USH1C: variants seen among roughly 807,000 people sequenced by gnomAD.
The protein encoded by USH1C is USH1 protein network component harmonin, also known as harmonin.
Under a neutral mutation model 119.3 loss-of-function variants are expected in USH1C, and 90 were observed. The ratio of observed to expected loss-of-function variants is 0.75; its 90% CI spans 0.64 to 0.90. The LOEUF is 0.90. Among genes scored for constraint, USH1C ranks in the 40% least tolerant of loss-of-function variants. The pLI is 0.00. For synonymous variants in USH1C, 465 were observed against 443.3 expected (o/e 1.05, Z -0.62); for missense variants, 1,165 against 1,167.7 (o/e 1.00, Z 0.03).
At chr11:17,535,131 GAA>G (rs1296982978) in intron 1 of USH1C, among the ~76,000 whole-genome samples, 1 of 152,174 alleles carries the variant, frequency 6.6e-6, no homozygotes, top group African/African-American at 2.4e-5. Flanking sequence ...GCAGGGGCGA[GAA>G]ATATCTTTAT....
chr11:17,543,296 C>T lies in USH1C; in HGVS notation c.36+976G>A, dbSNP rs188350749. The stretch of plus-strand genomic sequence containing the variant: ...AAACCAGGAAGAGGTTTGGCTTGGT[C>T]TAAAGACACTGCCCCTGGGGTCTTT... On this transcript the variant is annotated intron_variant, in intron 1 of 26. Coordinates refer to ENST00000005226, the MANE Select transcript of USH1C (RefSeq NM_153676.4). Among the ~76,000 whole-genome samples the T allele has an allele frequency of 1.4e-3, 208 of 152,308 alleles. 2 individuals carry two copies. Among genetic ancestry groups the T allele is most frequent in the African/African-American group, 4.8e-3 (199 of 41,566 alleles).
chr11:17,510,463 T>C lies in USH1C; in HGVS notation c.1472A>G (p.Glu491Gly), dbSNP rs752030009. Residue 491 changes from glutamate to glycine, a missense_variant, in exon 17 of 27, where the codon GAG (glutamate) becomes GGG (glycine). Transcript: ENST00000005226. ...CTCGAGGCGCGTTTGACAGAGCCTCTCCACCCAATATTGAATCTTTTCCGA... is the reference window on the plus strand; with the variant it reads ...CTCGAGGCGCGTTTGACAGAGCCTCCCCACCCAATATTGAATCTTTTCCGA... ...EESEKIQYWV[E>G]RLCQTRLEQI... 35 of 1,613,426 alleles carry C rather than the reference T, an allele frequency of 2.2e-5. No individual in the cohort carries two copies. Among genetic ancestry groups the C allele is most frequent in the Admixed American group, 3.3e-5 (2 of 59,976 alleles).
rs917871091 is a variant in USH1C, at chr11:17,531,707, G to T, written c.105-165C>A. Among the ~76,000 whole-genome samples the T allele has an allele frequency of 6.6e-6, 1 of 152,188 alleles. No individual in the cohort carries two copies. The highest frequency in any genetic ancestry group is 2.4e-5 in the African/African-American group (1 of 41,440). On this transcript the variant is annotated intron_variant, in intron 2 of 26. Coordinates refer to ENST00000005226, the MANE Select transcript of USH1C (RefSeq NM_153676.4). The surrounding 1 kb of genome is among the most constrained non-coding windows in gnomAD (Gnocchi z 4.2). ...TTCACACCGGGCCAGTGCCTGAGAA[G>T]ACTTTGTTCTCTTATATAAATATCC...
intron 20 of USH1C, 46 bp downstream of exon 20, chr11:17,504,601 G>T: frequency 1.2e-6 from 2 of 1,601,180 alleles, no homozygotes; most frequent in East Asian, 2.2e-5. Context: ...TGGGAGGGAC[G>T]GGGGTGGTGG....
rs577511566 is a variant in USH1C at position 17,531,353 on chromosome 11, G to A, written c.248+46C>T. On this transcript the variant is annotated intron_variant, in intron 3 of 26. Transcript: ENST00000005226. The surrounding 1 kb of genome is among the most constrained non-coding windows in gnomAD (Gnocchi z 4.2). ...GGCTGCCAGCACTGCCCCGCCCAGG[G>A]TGATCTCTCCACCCCCTGCCTCCAG... 7.4e-6 allele frequency: 12 copies of A among 1,613,880 alleles called. No individual in the cohort carries two copies. The highest frequency in any genetic ancestry group is 6.7e-5 in the African/African-American group (5 of 75,040).
chr11:17,524,421 C>T (rs780084821), intron 9 of USH1C, 30 bp downstream of exon 9: 11 of 1,556,082 alleles, frequency 7.1e-6, no homozygotes, highest in Non-Finnish European at 8.7e-6. Context: ...TCCAGTGGGC[C>T]CCCACTGGGG....
In USH1C at chr11:17,544,344, G is replaced by A. The variant is rs779706912; in HGVS notation, c.-37C>T. 2 of 1,613,542 alleles carry A rather than the reference G, an allele frequency of 1.2e-6. No homozygotes were observed. Among genetic ancestry groups the A allele is most frequent in the South Asian group, 1.1e-5 (1 of 91,068 alleles). On this transcript the variant is annotated 5_prime_UTR_variant, in exon 1 of 27. The change creates a new upstream start codon in the 5' untranslated region. Coordinates refer to ENST00000005226, the MANE Select transcript of USH1C (RefSeq NM_153676.4). ...GTCCAGCTGCGTCGTTGCACGACCC[G>A]TTCCTTCGGGTGCCCGGCTGCCAGG...
chr11:17,524,557 T>C lies in USH1C; in HGVS notation c.675-22A>G, dbSNP rs764313947. ...AATGCTGCGGGAGGTGGGAAATGTG[T>C]GCTCGGGATTCAGGTAACCCATGTC... On this transcript the variant is annotated intron_variant, in intron 8 of 26. Transcript: ENST00000005226. The C allele has an allele frequency of 5.8e-6, 9 of 1,552,844 alleles. 1 individual carries two copies. In the South Asian group the frequency reaches 1.1e-4, roughly 18 times the overall value.
At position 17,521,375 on chromosome 11, in the gene USH1C, T is replaced by C. The variant is rs781209695; in HGVS notation, c.1056A>G (p.Glu352=). Residue 352 remains glutamate, a synonymous_variant, in exon 13 of 27, where the codon GAA becomes GAG. Transcript: ENST00000005226. The stretch of plus-strand genomic sequence containing the variant: ...CCATCTCCTTCCGGTATCTCTCATT[T>C]TCCTCTGCTGCCTTCTGGGCAATTT... ...RKEIAQKAAE[E]NERYRKEMEQ... is the part of the protein sequence containing the mutation. 6.2e-7 allele frequency: 1 copy of C among 1,614,184 alleles called. No individual in the cohort carries two copies. Among genetic ancestry groups the C allele is most frequent in the Non-Finnish European group, 8.5e-7 (1 of 1,180,034 alleles).
intron 1 of USH1C, among the ~76,000 whole-genome samples, chr11:17,539,833 C>CTTTTTTTTTTTTTTTTTTTTTTTTTT (rs34881002): frequency 7.9e-6 from 1 of 126,202 alleles, no homozygotes; most frequent in Non-Finnish European, 1.6e-5. Flanking sequence ...CTTTCTTTTT[C>CTTTTTTTTTTTTTTTTTTTTTTTTTT]TTTTTTTTTT....
In USH1C at chr11:17,505,871, G is replaced by A. The variant is rs1465168976; in HGVS notation, c.2092C>T (p.Pro698Ser). ...ISKPVMVHQE[P>S]NFIYRPAVKS... ...ACAGCTGGCCTGTAGATGAAATTGGGCTCCTGGTGGACCATGACAGGTTTG... is the reference window on the plus strand; with the variant it reads ...ACAGCTGGCCTGTAGATGAAATTGGACTCCTGGTGGACCATGACAGGTTTG... Residue 698 changes from proline to serine, a missense_variant, in exon 19 of 27, where the codon CCC becomes TCC. Coordinates refer to ENST00000005226, the MANE Select transcript of USH1C (RefSeq NM_153676.4). 6.2e-7 allele frequency: 1 copy of A among 1,614,204 alleles called. No homozygotes were observed. The highest frequency in any genetic ancestry group is 1.1e-5 in the South Asian group (1 of 91,084).
rs749676328 is a variant in USH1C, at chr11:17,509,675, G to A, written c.1694C>T (p.Pro565Leu). 29 of 1,595,988 alleles carry A rather than the reference G, an allele frequency of 1.8e-5. No homozygotes were observed. In the South Asian group the frequency reaches 3.0e-4, roughly 17 times the overall value. Residue 565 changes from proline to leucine, a missense_variant, in exon 18 of 27, where the codon CCC becomes CTC. Coordinates refer to ENST00000005226, the MANE Select transcript of USH1C (RefSeq NM_153676.4). ...PKTPSALPVM[P>L]HPPPSNPPHK... is the part of the protein sequence containing the mutation. Reference sequence around the variant, plus strand: ...GGGTGGGTTGGAGGGTGGAGGGTGGGGCATCACAGGCAAGGCAGAGGGAGT... The same window carrying A: ...GGGTGGGTTGGAGGGTGGAGGGTGGAGCATCACAGGCAAGGCAGAGGGAGT...
intron 4 of USH1C, among the ~76,000 whole-genome samples, chr11:17,530,644 A>G (rs1254666724): frequency 6.6e-6 from 1 of 152,230 alleles, no homozygotes; most frequent in Non-Finnish European, 1.5e-5. Context: ...AGACAGTACT[A>G]TCGGCAACTC....
intron 18 of USH1C, among the ~76,000 whole-genome samples, chr11:17,509,063 C>A (rs1849755680): frequency 6.6e-6 from 1 of 152,132 alleles, no homozygotes; most frequent in Non-Finnish European, 1.5e-5. Context: ...AGTTACCAGC[C>A]TACACTAGCA....
In USH1C at chr11:17,531,974, G is replaced by A. The variant is rs1433399307; in HGVS notation, c.105-432C>T. ...CCTCATGCTGTTCAGACCTTCGACT[G>A]CAGCTGCCTGCCCATGTACTCACTG... is the stretch of plus-strand genomic sequence containing the variant. On this transcript the variant is annotated intron_variant, in intron 2 of 26. Coordinates refer to ENST00000005226, the MANE Select transcript of USH1C (RefSeq NM_153676.4). This position sits in a 1 kb window ranked among gnomAD's most constrained non-coding sequence, Gnocchi z 4.2. Among the ~76,000 whole-genome samples the A allele has an allele frequency of 1.3e-5, 2 of 152,138 alleles. No homozygotes were observed. The highest frequency in any genetic ancestry group is 3.2e-3 in the Middle Eastern group (1 of 316).
chr11:17,526,560 G>A (rs375126997), intron 7 of USH1C, 119 bp from the exon 8 acceptor site: 170 of 1,134,692 alleles, frequency 1.5e-4, no homozygotes, highest in East Asian at 1.2e-3. Context: ...TCATCATTCC[G>A]TCCCTGGGGA....
Position 17,510,438 on chromosome 11 carries a change from C to A in USH1C, c.1497G>T (p.Glu499Asp). ...TCTCATTATCAGCAGAGGAAATCTGCTCGAGGCGCGTTTGACAGAGCCTCT... is the reference window on the plus strand; with the variant it reads ...TCTCATTATCAGCAGAGGAAATCTGATCGAGGCGCGTTTGACAGAGCCTCT... ...WVERLCQTRL[E>D]QISSADNEIS... is the part of the protein sequence containing the mutation. The change falls in exon 17 of 27, where the codon GAG becomes GAT. Residue 499 changes from glutamate (E) to aspartate (D), a missense_variant. Transcript: ENST00000005226. 5 of 1,612,598 alleles carry A rather than the reference C, an allele frequency of 3.1e-6. No homozygotes were observed. Among genetic ancestry groups the A allele is most frequent in the Non-Finnish European group, 4.2e-6 (5 of 1,179,756 alleles).
intron 16 of USH1C, 124 bp from the exon 17 acceptor site, chr11:17,510,645 T>A: frequency 1.3e-6 from 1 of 774,872 alleles, no homozygotes; most frequent in Non-Finnish European, 2.2e-6. Flanking sequence ...ATCAGCTATC[T>A]AGAAAGAGAC....
chr11:17,496,364 T>C (rs1230585634), intron 25 of USH1C, among the ~76,000 whole-genome samples: 14 of 152,178 alleles, frequency 9.2e-5, no homozygotes, highest in African/African-American at 3.4e-4. Context: ...TGAATGCAGT[T>C]AGACATCAGG....
Sources: gnomAD v4.1 joint callset for allele counts (sites outside exome capture counted in the v4.1 genomes callset) on GRCh38, gnomAD v4.1.1 for gene constraint, Gnocchi (gnomAD v3.1) non-coding constraint, MANE v1.5 for transcripts, NCBI Gene and HGNC (gene_info 2026-07-23, HGNC 2026-07-21) for gene names.